Variants in ISM1 observed in about 807,000 individuals in gnomAD.
ISM1 encodes isthmin 1.
In ISM1, 25 loss-of-function variants were observed where a neutral mutation model predicts 46.3. The observed-to-expected ratio is 0.54, with a 90% CI of 0.39 to 0.75. ISM1 has a LOEUF of 0.75. Ranked by LOEUF, ISM1 falls within the 30% of genes least tolerant of loss-of-function variation. The pLI, the probability that ISM1 is intolerant of heterozygous loss-of-function variation, is 0.00. For missense variants in ISM1, 536 were observed against 625.4 expected (o/e 0.86, Z 1.52); for synonymous variants, 255 against 256.7 (o/e 0.99, Z 0.06).
chr20:13,240,801 G>C (rs75908785), intron 1 of ISM1, among the ~76,000 whole-genome samples: 5,527 of 152,272 alleles, frequency 0.036, 170 homozygotes, highest in African/African-American at 0.077. Context: ...TTCTGAGACA[G>C]AGCCAACAGG....
intron 1 of ISM1, among the ~76,000 whole-genome samples, chr20:13,225,551 C>G (rs2039514717): frequency 6.6e-6 from 1 of 152,032 alleles, no homozygotes; most frequent in Admixed American, 6.6e-5. Context: ...GACTGTCTCC[C>G]CTAGTATGCC....
chr20:13,259,230 G>A (rs565125072), intron 1 of ISM1, among the ~76,000 whole-genome samples: 1 of 150,750 alleles, frequency 6.6e-6, no homozygotes, highest in East Asian at 2.0e-4. Flanking sequence ...GCAGTGAGCC[G>A]AGATCGTACC....
At chr20:13,308,308 C>A in the ISM1 span, among the ~76,000 whole-genome samples, 64 of 152,176 alleles carry the variant, frequency 4.2e-4, no homozygotes, top group African/African-American at 1.4e-3. Flanking sequence ...ACCATGGGAC[C>A]AAATGAGGGT....
At chr20:13,279,977 A>C in intron 3 of ISM1, 79 bp downstream of exon 3, 1 of 1,375,914 alleles carries the variant, frequency 7.3e-7, no homozygotes, top group Non-Finnish European at 9.9e-7. Context: ...GCCAAGCAAA[A>C]CCCTGCTTAG....
chr20:13,325,469 T>C, the ISM1 span, among the ~76,000 whole-genome samples: 2 of 152,262 alleles, frequency 1.3e-5, no homozygotes, highest in South Asian at 4.2e-4. Context: ...TTAGATGTCA[T>C]GAGAGGGTCC....
At chr20:13,300,844 G>T (rs1369784249), downstream of ISM1, among the ~76,000 whole-genome samples, 2 of 152,098 alleles carry the variant, frequency 1.3e-5, no homozygotes, top group Admixed American at 6.5e-5. Context: ...GGAGGCTGAG[G>T]CCCATTGACA....
At chr20:13,315,583 T>C in the ISM1 span, among the ~76,000 whole-genome samples, 1 of 152,010 alleles carries the variant, frequency 6.6e-6, no homozygotes, top group Admixed American at 6.6e-5. Flanking sequence ...TCCATTATCA[T>C]AGTTACAGAT....
chr20:13,272,519 G>C (rs925454638), intron 2 of ISM1, among the ~76,000 whole-genome samples: 2 of 152,186 alleles, frequency 1.3e-5, no homozygotes, highest in Non-Finnish European at 1.5e-5. Context: ...GTGTCCCAAG[G>C]GGGTGGATCT....
intron 3 of ISM1, among the ~76,000 whole-genome samples, chr20:13,285,808 T>C (rs543432866): frequency 6.6e-6 from 1 of 152,316 alleles, no homozygotes; most frequent in African/African-American, 2.4e-5. Context: ...CATGCAGGGA[T>C]TCCAACACAA....
At chr20:13,253,906 T>A (rs999910118) in intron 1 of ISM1, among the ~76,000 whole-genome samples, 1 of 151,698 alleles carries the variant, frequency 6.6e-6, no homozygotes, top group Non-Finnish European at 1.5e-5. Flanking sequence ...TACACACACA[T>A]AAAAACACAC....
At chr20:13,258,708 G>A (rs887689414) in intron 1 of ISM1, among the ~76,000 whole-genome samples, 1 of 152,074 alleles carries the variant, frequency 6.6e-6, no homozygotes, top group Non-Finnish European at 1.5e-5. Context: ...ACTGGGAGGA[G>A]CTGTTTCTCT....
rs564230476 is a variant in ISM1, at chr20:13,223,137, A to G, written c.138+1223A>G. Among the ~76,000 whole-genome samples, 5 of 151,738 alleles carry G rather than the reference A, an allele frequency of 3.3e-5. No homozygotes were observed. The South Asian group carries it at 1.0e-3, about 32-fold the overall frequency. On this transcript the variant is annotated intron_variant, in intron 1 of 5. Transcript: ENST00000262487. Reference sequence around the variant, plus strand: ...GCGCCACTGCACTCCAGCCTGGGCGACAGAGCGAGACTCCGTCTCAAAAAA... The same window carrying G: ...GCGCCACTGCACTCCAGCCTGGGCGGCAGAGCGAGACTCCGTCTCAAAAAA...
chr20:13,278,900 A>G (rs2040208909), intron 2 of ISM1, among the ~76,000 whole-genome samples: 1 of 152,168 alleles, frequency 6.6e-6, no homozygotes, highest in African/African-American at 2.4e-5. Context: ...CATGGTCTCT[A>G]CACATGTAGT....
Position 13,245,125 on chromosome 20 carries a change from G to T in ISM1, c.138+23211G>T, listed in dbSNP as rs143954906. The T allele has an allele frequency of 2.2e-3, 342 of 152,208 alleles. 3 individuals carry two copies. The highest frequency in any genetic ancestry group is 7.3e-3 in the African/African-American group (304 of 41,536). 9.4% of individuals were successfully genotyped at this position (152,208 alleles called of 1,614,324 possible). Reference sequence around the variant, plus strand: ...AATATCTTCCTTCCTTCTTGTATTGGTTATCTATTGCTGTATAACAAATTA... The same window carrying T: ...AATATCTTCCTTCCTTCTTGTATTGTTTATCTATTGCTGTATAACAAATTA... On this transcript the variant is annotated intron_variant, in intron 1 of 5. Coordinates refer to ENST00000262487, the MANE Select transcript of ISM1 (RefSeq NM_080826.2).
chr20:13,316,781 A>G, the ISM1 span, among the ~76,000 whole-genome samples: 1 of 151,880 alleles, frequency 6.6e-6, no homozygotes, highest in Non-Finnish European at 1.5e-5. Flanking sequence ...AATAGATGGG[A>G]ACTTCCTCAA....
intron 1 of ISM1, among the ~76,000 whole-genome samples, chr20:13,230,026 C>T (rs2039571247): frequency 6.6e-6 from 1 of 152,140 alleles, no homozygotes; most frequent in Admixed American, 6.6e-5. Flanking sequence ...AAATAAAGTT[C>T]TATCATTTGT....
chr20:13,311,479 G>C, the ISM1 span, among the ~76,000 whole-genome samples: 1 of 152,088 alleles, frequency 6.6e-6, no homozygotes, highest in African/African-American at 2.4e-5. Context: ...AGAGATATCT[G>C]CATCTTCATG....
intron 1 of ISM1, among the ~76,000 whole-genome samples, chr20:13,241,811 G>A (rs1022235766): frequency 1.3e-5 from 2 of 152,120 alleles, no homozygotes. Flanking sequence ...TGTCAAGTTG[G>A]ATGCTTTTAT....
downstream of ISM1, among the ~76,000 whole-genome samples, chr20:13,302,816 G>A (rs1014124007): frequency 4.6e-5 from 7 of 152,156 alleles, no homozygotes; most frequent in Non-Finnish European, 8.8e-5. Context: ...AGATGCCCAC[G>A]GCCCTCTAGT....
Sources: gnomAD v4.1 joint callset for allele counts (sites outside exome capture counted in the v4.1 genomes callset) on GRCh38, gnomAD v4.1.1 for gene constraint, MANE v1.5 for transcripts, NCBI Gene and HGNC (gene_info 2026-07-23, HGNC 2026-07-21) for gene names.